The following JADE1 variants were observed in gnomAD, a reference collection of about 807,000 sequenced individuals.
JADE1 encodes the protein protein Jade-1.
In JADE1, 14 loss-of-function variants were observed where a neutral mutation model predicts 81.8. The ratio of observed to expected loss-of-function variants is 0.17; its 90% CI spans 0.11 to 0.27. The LOEUF (loss-of-function observed/expected upper bound fraction) is 0.27. Among genes scored for constraint, JADE1 ranks in the 10% least tolerant of loss-of-function variants. JADE1 has a pLI of 1.00. For synonymous variants in JADE1, 353 were observed against 391.9 expected (o/e 0.90, Z 1.17); for missense variants, 690 against 1,047.9 (o/e 0.66, Z 4.71).
chr4:128,870,047 C>T (rs1193392045), intron 10 of JADE1, among the ~76,000 whole-genome samples: 1 of 152,002 alleles, frequency 6.6e-6, no homozygotes, highest in Admixed American at 6.6e-5. Context: ...GTGGGAGGGT[C>T]ATGAGTTGGA....
chr4:128,831,336 C>G (rs565011704), intron 1 of JADE1: 61 of 163,832 alleles, frequency 3.7e-4, no homozygotes, highest in African/African-American at 1.2e-3. Flanking sequence ...CCCCACCCCC[C>G]ACATGTACGC....
At chr4:128,844,590 G>C (rs1729711593) in intron 3 of JADE1, among the ~76,000 whole-genome samples, 1 of 152,046 alleles carries the variant, frequency 6.6e-6, no homozygotes, top group African/African-American at 2.4e-5. Context: ...GTTTTTACCT[G>C]ATTGGCTCTT....
At chr4:128,820,053 G>GTT (rs1727415575) in intron 1 of JADE1, among the ~76,000 whole-genome samples, 1 of 152,096 alleles carries the variant, frequency 6.6e-6, no homozygotes, top group Non-Finnish European at 1.5e-5. Context: ...ATTTTAAATT[G>GTT]TTTTTGAAAT....
At chr4:128,836,173 T>G (rs1306874174) in intron 2 of JADE1, among the ~76,000 whole-genome samples, 1 of 152,170 alleles carries the variant, frequency 6.6e-6, no homozygotes, top group African/African-American at 2.4e-5. Context: ...CTAACTACTT[T>G]CAGTACAGTT....
At position 128,852,115 on chromosome 4, in the gene JADE1, A is replaced by C; in HGVS notation, c.543A>C (p.Arg181=). The C allele has an allele frequency of 1.2e-6, 2 of 1,614,202 alleles. No individual in the cohort carries two copies. Among genetic ancestry groups the C allele is most frequent in the Non-Finnish European group, 1.7e-6 (2 of 1,180,026 alleles). The change falls in exon 6 of 11, where the codon CGA becomes CGC. Residue 181 remains arginine (R), a synonymous_variant. Coordinates refer to ENST00000226319, the MANE Select transcript of JADE1 (RefSeq NM_199320.4). ...MERVLEEFEQ[R]CYDNMNHAIE... ...GGGTCCTAGAGGAATTTGAGCAGCG[A>C]TGCTACGACAATATGAATCATGCCA...
chr4:128,867,823 G>T, intron 9 of JADE1, 33 bp from the exon 10 acceptor site: 1 of 1,406,098 alleles, frequency 7.1e-7, no homozygotes, highest in Non-Finnish European at 1.0e-6. Flanking sequence ...ATACTGTATT[G>T]CTTACTTAGA....
chr4:128,822,223 C>T (rs1309374333), intron 1 of JADE1, among the ~76,000 whole-genome samples: 6 of 152,020 alleles, frequency 3.9e-5, no homozygotes. Flanking sequence ...TACTACTGGC[C>T]GGGTGTGGTG....
At chr4:128,812,620 C>CG (rs1326295704) in intron 1 of JADE1, among the ~76,000 whole-genome samples, 2 of 152,198 alleles carry the variant, frequency 1.3e-5, no homozygotes, top group African/African-American at 2.4e-5. Context: ...CCACCCCAAG[C>CG]GGGTGGGGGC....
intron 6 of JADE1, among the ~76,000 whole-genome samples, chr4:128,853,497 C>G (rs963530251): frequency 1.3e-5 from 2 of 152,090 alleles, no homozygotes; most frequent in African/African-American, 4.8e-5. Flanking sequence ...AAAGGGAAAC[C>G]CTTAGATTTC....
chr4:128,863,117 G>C (rs1731497672), intron 9 of JADE1: 2 of 985,710 alleles, frequency 2.0e-6, no homozygotes, highest in Non-Finnish European at 1.2e-6. Context: ...TCCTTCTGCT[G>C]TTTGCTGCTT....
chr4:128,833,463 G>A (rs1728713659), intron 2 of JADE1, among the ~76,000 whole-genome samples: 1 of 152,154 alleles, frequency 6.6e-6, no homozygotes, highest in Non-Finnish European at 1.5e-5. Context: ...CCAGCACTTT[G>A]GGAGGCCGAG....
At chr4:128,839,980 G>A (rs1391704820) in intron 2 of JADE1, among the ~76,000 whole-genome samples, 1 of 152,160 alleles carries the variant, frequency 6.6e-6, no homozygotes, top group Non-Finnish European at 1.5e-5. Flanking sequence ...CTTCTGTATT[G>A]TATCAACACT....
At chr4:128,854,906 CTTTGT>C (rs1427494426) in intron 6 of JADE1, among the ~76,000 whole-genome samples, 2 of 152,098 alleles carry the variant, frequency 1.3e-5, no homozygotes, top group Non-Finnish European at 2.9e-5. Flanking sequence ...ACAAAACAGG[CTTTGT>C]TTTATTTTTT....
intron 1 of JADE1, among the ~76,000 whole-genome samples, chr4:128,822,529 T>A (rs974357544): frequency 6.7e-6 from 1 of 150,262 alleles, no homozygotes; most frequent in Non-Finnish European, 1.5e-5. Flanking sequence ...CTGACCAACA[T>A]GGAGAAACCC....
At chr4:128,831,413 G>T in intron 1 of JADE1, 1 of 300,830 alleles carries the variant, frequency 3.3e-6, no homozygotes, top group Non-Finnish European at 6.3e-6. Flanking sequence ...ATTTTTTTCT[G>T]CAGTGCTTGC....
chr4:128,812,479 G>A lies in JADE1; in HGVS notation c.-27+2602G>A, dbSNP rs1441680002. Among the ~76,000 whole-genome samples, 3 of 152,080 alleles carry A rather than the reference G, an allele frequency of 2.0e-5. No homozygotes were observed. The South Asian group carries it at 6.2e-4, about 32-fold the overall frequency. On this transcript the variant is annotated intron_variant, in intron 1 of 10. Transcript: ENST00000226319. The stretch of plus-strand genomic sequence containing the variant: ...TTGCTGGGATCCTTAGCCTTCTCAC[G>A]TCCCCTCTCACTCCGCCACCCTCCC...
At chr4:128,812,039 C>G (rs1159812896) in intron 1 of JADE1, 1 of 152,092 alleles carries the variant, frequency 6.6e-6, no homozygotes, top group Non-Finnish European at 1.5e-5. Context: ...CAAGTGGCTT[C>G]TGGACGCGAG....
intron 1 of JADE1, among the ~76,000 whole-genome samples, chr4:128,819,465 C>G (rs1269303595): frequency 6.6e-6 from 1 of 152,026 alleles, no homozygotes; most frequent in Non-Finnish European, 1.5e-5. Context: ...TCTCTCACAC[C>G]CTCCGGGGGG....
chr4:128,848,866 G>A (rs1378192727), intron 4 of JADE1, 114 bp from the exon 5 acceptor site: 2 of 972,516 alleles, frequency 2.1e-6, no homozygotes, highest in Non-Finnish European at 3.2e-6. Flanking sequence ...TCAGCCTCTG[G>A]TGATGACCTG....
Sources: allele counts gnomAD v4.1 joint callset (sites outside exome capture counted in the v4.1 genomes callset), GRCh38; gene constraint gnomAD v4.1.1; transcripts MANE v1.5; gene names NCBI Gene and HGNC (gene_info 2026-07-23, HGNC 2026-07-21).